Variants in MAML3 observed in about 807,000 individuals in gnomAD.
MAML3 encodes the protein mastermind like transcriptional coactivator 3.
A neutral mutation model predicts 101.9 loss-of-function variants in MAML3; 27 were observed. The ratio of observed to expected loss-of-function variants is 0.27; its 90% CI spans 0.20 to 0.37. The LOEUF is 0.37. MAML3 is among the 10% of genes least tolerant of loss of function. The pLI, the probability that MAML3 is intolerant of heterozygous loss-of-function variation, is 1.00. For synonymous variants in MAML3, 501 were observed against 555.9 expected, an observed-to-expected ratio of 0.90 and a Z score of 1.39; for missense variants, 1,316 against 1,444.9, an observed-to-expected ratio of 0.91 and a Z score of 1.45.
At chr4:139,739,920 G>C (rs1185960770) in intron 2 of MAML3, among the ~76,000 whole-genome samples, 2 of 151,910 alleles carry the variant, frequency 1.3e-5, no homozygotes, top group Non-Finnish European at 2.9e-5. Context: ...GTTCAAGAGG[G>C]GCCCAGGTTA....
At chr4:140,011,233 C>CATATATATATATATATATATAT (rs70943468) in intron 1 of MAML3, among the ~76,000 whole-genome samples, 1,508 of 119,232 alleles carry the variant, frequency 0.013, 26 homozygotes, top group East Asian at 0.019. Context: ...ATAAAGTGTG[C>CATATATATATATATATATATAT]ATATATATAT....
At chr4:139,966,843 G>C (rs1211823192) in intron 1 of MAML3, among the ~76,000 whole-genome samples, 2 of 152,140 alleles carry the variant, frequency 1.3e-5, no homozygotes, top group African/African-American at 4.8e-5. Flanking sequence ...GGACCTTCTT[G>C]AATGACTGCG....
intron 2 of MAML3, among the ~76,000 whole-genome samples, chr4:139,802,613 G>T (rs891198289): frequency 6.6e-6 from 1 of 152,210 alleles, no homozygotes; most frequent in Non-Finnish European, 1.5e-5. Context: ...ACAGTTGTTT[G>T]TTGTAGGAGC....
At chr4:139,720,559 T>C (rs991124649) in intron 4 of MAML3, among the ~76,000 whole-genome samples, 1 of 152,208 alleles carries the variant, frequency 6.6e-6, no homozygotes, top group South Asian at 2.1e-4. Context: ...GAAATCCCAC[T>C]ATCCAGAGAT....
intron 1 of MAML3, among the ~76,000 whole-genome samples, chr4:140,144,535 A>G (rs958979320): frequency 6.6e-6 from 1 of 151,858 alleles, no homozygotes; most frequent in Non-Finnish European, 1.5e-5. Flanking sequence ...GTCTCCGAAA[A>G]AAAAAGCAAA....
chr4:139,890,232 C>T lies in MAML3; in HGVS notation c.1204G>A (p.Ala402Thr), dbSNP rs751507608. The change falls in exon 2 of 5, where the codon GCA becomes ACA. Residue 402 changes from alanine (A) to threonine (T), a missense_variant. By Grantham distance (58) the Ala-to-Thr change is moderately conservative. Coordinates refer to ENST00000509479, the MANE Select transcript of MAML3 (RefSeq NM_018717.5). This position sits in a 1 kb window ranked among gnomAD's most constrained non-coding sequence, Gnocchi z 4.1. ...GGTGAGCTTGCAGGGTTTGGAGCTG[C>T]GGGAGTGCTGGCAACAGAAGGTAAA... is the stretch of plus-strand genomic sequence containing the variant. The part of the protein sequence containing the change: ...TSLPSVASTP[A>T]APNPASSPAN... 33 of 1,613,340 alleles carry T rather than the reference C, an allele frequency of 2.0e-5. No individual in the cohort carries two copies. Among genetic ancestry groups the T allele is most frequent in the East Asian group, 1.6e-4 (7 of 44,890 alleles).
At chr4:140,147,567 C>T (rs543532423) in intron 1 of MAML3, among the ~76,000 whole-genome samples, 68 of 152,296 alleles carry the variant, frequency 4.5e-4, no homozygotes, top group South Asian at 1.2e-3. Context: ...ACTCAACCAT[C>T]AGCCTTTGAA....
At chr4:139,760,514 T>G (rs1269230965) in intron 2 of MAML3, among the ~76,000 whole-genome samples, 1 of 152,166 alleles carries the variant, frequency 6.6e-6, no homozygotes. Context: ...AGCGCCTGGC[T>G]CATGGGCACA....
In MAML3 at chr4:140,120,905, G is replaced by A. The variant is rs1005982283; in HGVS notation, c.468+31955C>T. Among the ~76,000 whole-genome samples the A allele has an allele frequency of 2.0e-5, 3 of 152,132 alleles. No homozygotes were observed. The South Asian group carries it at 6.2e-4, about 31-fold the overall frequency. Reference sequence around the variant, plus strand: ...TTATCCATTATTAAAAATACACACAGTGGTTTTATGGAAAATGTACTTCTA... The same window carrying A: ...TTATCCATTATTAAAAATACACACAATGGTTTTATGGAAAATGTACTTCTA... On this transcript the variant is annotated intron_variant, in intron 1 of 4. Transcript: ENST00000509479.
At chr4:139,981,679 T>C (rs1245079939) in intron 1 of MAML3, among the ~76,000 whole-genome samples, 1 of 152,220 alleles carries the variant, frequency 6.6e-6, no homozygotes, top group Non-Finnish European at 1.5e-5. Context: ...AGTCATTATG[T>C]TTCATTAGGC....
At chr4:139,995,391 C>T (rs964827098) in intron 1 of MAML3, among the ~76,000 whole-genome samples, 2 of 151,956 alleles carry the variant, frequency 1.3e-5, no homozygotes, top group African/African-American at 2.4e-5. Context: ...AGAAGTGTTC[C>T]CTTCTCTATT....
intron 1 of MAML3, among the ~76,000 whole-genome samples, chr4:140,040,542 C>G (rs924498423): frequency 1.3e-5 from 2 of 152,162 alleles, no homozygotes; most frequent in African/African-American, 2.4e-5. Context: ...TCCTCTAGCC[C>G]TTGGGCGCCA....
chr4:139,859,900 C>T (rs73854394), intron 2 of MAML3, among the ~76,000 whole-genome samples: 6,509 of 152,198 alleles, frequency 0.043, 466 homozygotes, highest in African/African-American at 0.15. Context: ...TTAGGGAAAC[C>T]GTCTGTACGA....
chr4:139,725,657 C>T, intron 4 of MAML3, 94 bp downstream of exon 4: 1 of 1,228,912 alleles, frequency 8.1e-7, no homozygotes. Context: ...TTCCTGGACA[C>T]AAATACAGCC....
At chr4:139,917,304 T>C (rs1325580311) in intron 1 of MAML3, among the ~76,000 whole-genome samples, 3 of 152,302 alleles carry the variant, frequency 2.0e-5, no homozygotes, top group South Asian at 4.1e-4. Flanking sequence ...TTGCATTAAA[T>C]GTATGTATGT....
rs1553957606 is a variant in MAML3, at chr4:139,801,633, G to GGGGTGTGT, written c.2080-70967_2080-70966insACACACCC. On this transcript the variant is annotated intron_variant, in intron 2 of 4. Coordinates refer to ENST00000509479, the MANE Select transcript of MAML3 (RefSeq NM_018717.5). ...CCTAATTTGAAAAGAGCAGGAACAG[G>GGGGTGTGT]GTGTGTGTGGGTGTGTGTGTGTGTG... is the stretch of plus-strand genomic sequence containing the variant. Among the ~76,000 whole-genome samples, 131 of 146,508 alleles carry GGGGTGTGT rather than the reference G, an allele frequency of 8.9e-4. 1 individual carries two copies. The highest frequency in any genetic ancestry group is 3.1e-3 in the African/African-American group (120 of 39,060).
rs1728342168 is a variant in MAML3, at chr4:140,105,868, GA to G, written c.468+46991del. On this transcript the variant is annotated intron_variant, in intron 1 of 4. Transcript: ENST00000509479. ...AAATCACCTGATGAAATAACTAGGAGAAAACATTTCTATCCTTAAAAAAATT... is the reference window on the plus strand; with the variant it reads ...AAATCACCTGATGAAATAACTAGGAGAAACATTTCTATCCTTAAAAAAATT... 3.9e-5 allele frequency among the ~76,000 whole-genome samples: 6 copies of G among 151,972 alleles called. No individual in the cohort carries two copies. The South Asian group carries it at 1.2e-3, about 32-fold the overall frequency.
intron 2 of MAML3, among the ~76,000 whole-genome samples, chr4:139,808,757 A>G (rs1172901590): frequency 6.6e-6 from 1 of 152,212 alleles, no homozygotes; most frequent in African/African-American, 2.4e-5. Flanking sequence ...CTCAAAGAGA[A>G]GGAAACATAA....
At chr4:140,021,602 T>A (rs993697138) in intron 1 of MAML3, among the ~76,000 whole-genome samples, 1 of 152,200 alleles carries the variant, frequency 6.6e-6, no homozygotes, top group African/African-American at 2.4e-5. Context: ...TCCTTATTTT[T>A]AAAACAATGA....
Sources: gnomAD v4.1 joint callset for allele counts (sites outside exome capture counted in the v4.1 genomes callset) on GRCh38, gnomAD v4.1.1 for gene constraint, Gnocchi (gnomAD v3.1) non-coding constraint, MANE v1.5 for transcripts, NCBI Gene and HGNC (gene_info 2026-07-23, HGNC 2026-07-21) for gene names.